EPX: variants seen among roughly 807,000 people sequenced by gnomAD.
EPX encodes the protein eosinophil peroxidase.
Under a neutral mutation model 73.0 loss-of-function variants are expected in EPX, and 60 were observed. The ratio of observed to expected loss-of-function variants is 0.82; its 90% CI spans 0.67 to 1.02. EPX has a LOEUF of 1.02. EPX is among the 50% of genes least tolerant of loss of function. EPX has a pLI of 0.00. For missense variants in EPX, 950 were observed against 973.9 expected, an observed-to-expected ratio of 0.98 and a Z score of 0.33; for synonymous variants, 347 against 389.2, an observed-to-expected ratio of 0.89 and a Z score of 1.28.
At chr17:58,204,486 T>G in intron 12 of EPX, 52 bp downstream of exon 12, 3 of 1,080,538 alleles carry the variant, frequency 2.8e-6, no homozygotes, top group Non-Finnish European at 4.3e-6. Flanking sequence ...CCTCACATCC[T>G]TCCCTGGATG....
chr17:58,192,838 G>A lies in EPX; in HGVS notation c.-9G>A, dbSNP rs368957674. The A allele has an allele frequency of 8.6e-4, 1,392 of 1,613,132 alleles. 2 individuals carry two copies. Among genetic ancestry groups the A allele is most frequent in the Non-Finnish European group, 1.1e-3 (1,266 of 1,179,486 alleles). ...CTCACTTCCCAGCTGGTGAAGCCTC[G>A]CTGCAGAGATGCATCTGCTCCCAGC... On this transcript the variant is annotated 5_prime_UTR_variant, in exon 1 of 13. Coordinates refer to ENST00000225371, the MANE Select transcript of EPX (RefSeq NM_000502.6).
rs1968196032 is a variant in EPX, at chr17:58,192,935, T to C, written c.76+13T>C. Reference sequence around the variant, plus strand: ...GGCACTGACCCAGGTAATAGTCCCCTAGACAGGCAAGGAGGAGGGAGGGGA... The same window carrying C: ...GGCACTGACCCAGGTAATAGTCCCCCAGACAGGCAAGGAGGAGGGAGGGGA... On this transcript the variant is annotated intron_variant, in intron 1 of 12. Coordinates refer to ENST00000225371, the MANE Select transcript of EPX (RefSeq NM_000502.6). 1.2e-6 allele frequency: 2 copies of C among 1,613,078 alleles called. No individual in the cohort carries two copies. Among genetic ancestry groups the C allele is most frequent in the Non-Finnish European group, 1.7e-6 (2 of 1,179,104 alleles).
chr17:58,198,941 G>T, intron 7 of EPX, 99 bp from the exon 8 acceptor site: 2 of 1,311,294 alleles, frequency 1.5e-6, no homozygotes, highest in Non-Finnish European at 2.2e-6. Flanking sequence ...CAGGAGTTTG[G>T]CCCACCCCGT....
intron 10 of EPX, among the ~76,000 whole-genome samples, chr17:58,201,881 A>G (rs34139955): frequency 0.014 from 2,155 of 152,282 alleles, 51 homozygotes; most frequent in African/African-American, 0.049. Context: ...ATCGCTAGCC[A>G]CCCAAGTTTC....
At chr17:58,193,580 C>T (rs1968209321) in intron 3 of EPX, 34 bp downstream of exon 3, 2 of 1,609,572 alleles carry the variant, frequency 1.2e-6, no homozygotes, top group Non-Finnish European at 1.7e-6. Flanking sequence ...GCTGGGCCTA[C>T]CCTGGCCTGG....
At chr17:58,194,922 T>C (rs766438754) in intron 5 of EPX, 42 bp from the exon 6 acceptor site, 2 of 1,508,214 alleles carry the variant, frequency 1.3e-6, no homozygotes, top group Non-Finnish European at 9.2e-7. Flanking sequence ...CCTTGTGGGG[T>C]CAGGGAGCCC....
In EPX at chr17:58,194,066, A is replaced by G; in HGVS notation, c.568A>G (p.Arg190Gly). The G allele has an allele frequency of 6.2e-7, 1 of 1,613,502 alleles. No homozygotes were observed. The highest frequency in any genetic ancestry group is 8.5e-7 in the Non-Finnish European group (1 of 1,180,022). Reference sequence around the variant, plus strand: ...CCCCTTCGGCTGGACCCCCAGCAGGAGGCGCAATGGCTTCCTTCTCCCTCT... The same window carrying G: ...CCCCTTCGGCTGGACCCCCAGCAGGGGGCGCAATGGCTTCCTTCTCCCTCT... ...SLPFGWTPSR[R>G]RNGFLLPLVR... Residue 190 changes from arginine (R) to glycine (G), a missense_variant, in exon 5 of 13, where the codon AGG (arginine) becomes GGG (glycine). Coordinates refer to ENST00000225371, the MANE Select transcript of EPX (RefSeq NM_000502.6).
rs2143714728 is a variant in EPX at position 58,199,687 on chromosome 17, T to A, written c.1430T>A (p.Leu477His). 1 of 1,614,234 alleles carries A rather than the reference T, an allele frequency of 6.2e-7. No individual in the cohort carries two copies. The highest frequency in any genetic ancestry group is 1.1e-5 in the South Asian group (1 of 91,090). ...TLAFRFGHTM[L>H]QPFMFRLDSQ... ...GCCTTCCGCTTTGGCCACACAATGCTCCAGCCCTTCATGTTCCGCTTGGAC... is the reference window on the plus strand; with the variant it reads ...GCCTTCCGCTTTGGCCACACAATGCACCAGCCCTTCATGTTCCGCTTGGAC... The change falls in exon 9 of 13, where the codon CTC becomes CAC. Residue 477 changes from leucine to histidine, a missense_variant. Physicochemically the swap from Leu to His is moderately conservative, Grantham distance 99. Coordinates refer to ENST00000225371, the MANE Select transcript of EPX (RefSeq NM_000502.6).
intron 6 of EPX, 48 bp downstream of exon 6, chr17:58,195,218 A>AAGG (rs756633571): frequency 7.0e-7 from 1 of 1,429,568 alleles, no homozygotes; most frequent in Admixed American, 1.7e-5. Context: ...GCCTCCCCCA[A>AAGG]AGGCAAGGTG....
intron 5 of EPX, among the ~76,000 whole-genome samples, 177 bp from the exon 6 acceptor site, chr17:58,194,787 C>G (rs886638869): frequency 1.3e-4 from 20 of 152,210 alleles, no homozygotes; most frequent in Admixed American, 9.2e-4. Context: ...AACCATCCTT[C>G]TAGGAATGAG....
chr17:58,198,950 G>C, intron 7 of EPX, 90 bp from the exon 8 acceptor site: 1 of 1,423,280 alleles, frequency 7.0e-7, no homozygotes, highest in Non-Finnish European at 9.8e-7. Flanking sequence ...GGCCCACCCC[G>C]TCTCTCCCAT....
chr17:58,202,543 C>G (rs1968355613), intron 10 of EPX: 1 of 169,718 alleles, frequency 5.9e-6, no homozygotes, highest in African/African-American at 2.4e-5. Flanking sequence ...CCCATCCCCA[C>G]CCCAGCCCCA....
intron 7 of EPX, among the ~76,000 whole-genome samples, 185 bp from the exon 8 acceptor site, chr17:58,198,855 T>G (rs1465329308): frequency 2.0e-5 from 3 of 152,180 alleles, no homozygotes; most frequent in Non-Finnish European, 4.4e-5. Flanking sequence ...CTTCCGCTCC[T>G]GGCCTGTGGT....
intron 10 of EPX, chr17:58,202,653 T>A (rs959022914): frequency 7.3e-6 from 2 of 274,048 alleles, no homozygotes; most frequent in Non-Finnish European, 1.4e-5. Context: ...AGATGAATTT[T>A]ATCATTGCTC....
At chr17:58,194,146 T>C in intron 5 of EPX, 54 bp downstream of exon 5, 2 of 1,584,818 alleles carry the variant, frequency 1.3e-6, no homozygotes, top group Non-Finnish European at 1.7e-6. Flanking sequence ...ATGCGGGGAG[T>C]AAAACACAGC....
intron 7 of EPX, among the ~76,000 whole-genome samples, chr17:58,198,795 G>T (rs567762982): frequency 6.6e-6 from 1 of 152,314 alleles, no homozygotes; most frequent in East Asian, 1.9e-4. Context: ...GAGACCAGCA[G>T]CTGCCCTGTG....
chr17:58,204,042 A>ACC (rs1234310574), intron 11 of EPX, among the ~76,000 whole-genome samples, 180 bp from the exon 12 acceptor site: 2 of 146,990 alleles, frequency 1.4e-5, no homozygotes, highest in African/African-American at 5.0e-5. Flanking sequence ...ATTACTGTGC[A>ACC]CTTAATACTG....
intron 11 of EPX, 118 bp from the exon 12 acceptor site, chr17:58,204,104 C>T (rs1968391339): frequency 2.6e-6 from 2 of 782,454 alleles, no homozygotes; most frequent in East Asian, 2.6e-5. Context: ...TCCAATCTTG[C>T]AGGAATTTTG....
intron 7 of EPX, 48 bp downstream of exon 7, chr17:58,197,305 G>C (rs1426978162): frequency 6.2e-7 from 1 of 1,602,516 alleles, no homozygotes; most frequent in Admixed American, 1.7e-5. Flanking sequence ...AGCCATCCCT[G>C]GGGTCCCAAC....
Sources: allele counts gnomAD v4.1 joint callset (sites outside exome capture counted in the v4.1 genomes callset), GRCh38; gene constraint gnomAD v4.1.1; transcripts MANE v1.5; gene names NCBI Gene and HGNC (gene_info 2026-07-23, HGNC 2026-07-21).